Variants in TRIP12 observed in about 807,000 individuals in gnomAD.
TRIP12 encodes the protein E3 ubiquitin-protein ligase TRIP12.
A neutral mutation model predicts 244.2 loss-of-function variants in TRIP12; 25 were observed. That is an observed-to-expected ratio of 0.10 (90% CI 0.07 to 0.14). TRIP12 has a LOEUF of 0.14. TRIP12 is among the 10% of genes least tolerant of loss of function. The probability of loss-of-function intolerance (pLI) is 1.00; values close to 1 mark genes in which losing one functional copy is unlikely to be tolerated. For synonymous variants in TRIP12, 905 were observed against 873.1 expected (o/e 1.04, Z -0.64); for missense variants, 1,677 against 2,486.4 (o/e 0.67, Z 6.92).
intron 17 of TRIP12, among the ~76,000 whole-genome samples, chr2:229,806,999 ATAT>A (rs2046046899): frequency 6.6e-6 from 1 of 152,244 alleles, no homozygotes; most frequent in South Asian, 2.1e-4. Flanking sequence ...GCTAGAGCAA[ATAT>A]TATGCTCATT....
chr2:229,848,593 G>A (rs2058055228), intron 4 of TRIP12, among the ~76,000 whole-genome samples: 1 of 152,056 alleles, frequency 6.6e-6, no homozygotes, highest in African/African-American at 2.4e-5. Flanking sequence ...CATTTAAGAG[G>A]ACAAGCACTC....
At chr2:229,875,742 T>C (rs144392129) in intron 2 of TRIP12, among the ~76,000 whole-genome samples, 11 of 152,350 alleles carry the variant, frequency 7.2e-5, no homozygotes, top group East Asian at 1.9e-4. Context: ...TTATCATTAG[T>C]TGAATCACTG....
At chr2:229,921,194 C>T (rs960058172) in intron 1 of TRIP12, 2 of 152,376 alleles carry the variant, frequency 1.3e-5, no homozygotes, top group Non-Finnish European at 2.9e-5. Context: ...TAAAAAACTG[C>T]CCCGCGCAGA....
At chr2:229,815,781 T>G (rs1333367182) in intron 9 of TRIP12, among the ~76,000 whole-genome samples, 1 of 152,174 alleles carries the variant, frequency 6.6e-6, no homozygotes. Context: ...ATAAGCACCA[T>G]TTGACTCAGC....
At position 229,795,281 on chromosome 2, in the gene TRIP12, G is replaced by T. The variant is rs761517416; in HGVS notation, c.3866C>A (p.Pro1289His). Residue 1289 changes from proline to histidine, a missense_variant, in exon 26 of 42, where the codon CCT becomes CAT. Transcript: ENST00000675903. ...IGRVEPVGNA[P>H]LLALVHKMNN... ...CATCTTGTGAACTAATGCCAACAAA[G>T]GTGCATTACCCACTGGTTCCACTCT... 3 of 1,613,990 alleles carry T rather than the reference G, an allele frequency of 1.9e-6. No individual in the cohort carries two copies. Among genetic ancestry groups the T allele is most frequent in the Non-Finnish European group, 2.5e-6 (3 of 1,179,956 alleles).
At chr2:229,898,098 G>A (rs2069412905) in intron 1 of TRIP12, among the ~76,000 whole-genome samples, 1 of 152,208 alleles carries the variant, frequency 6.6e-6, no homozygotes, top group Non-Finnish European at 1.5e-5. Context: ...AGACAGTAGA[G>A]ACAATAGGTG....
chr2:229,832,038 C>A (rs920351324), intron 6 of TRIP12, among the ~76,000 whole-genome samples: 16 of 151,838 alleles, frequency 1.1e-4, no homozygotes, highest in African/African-American at 2.9e-4. Context: ...ATAACATATG[C>A]GAGTTTAAAG....
chr2:229,888,535 A>G (rs969633003), intron 1 of TRIP12, among the ~76,000 whole-genome samples: 1 of 152,214 alleles, frequency 6.6e-6, no homozygotes, highest in African/African-American at 2.4e-5. Context: ...GTTGGCAGAC[A>G]CCAAGAGGAA....
At chr2:229,854,812 T>A (rs867021721) in intron 4 of TRIP12, among the ~76,000 whole-genome samples, 1 of 152,208 alleles carries the variant, frequency 6.6e-6, no homozygotes, top group African/African-American at 2.4e-5. Flanking sequence ...GCTTGCCCTA[T>A]CTGTTCACCC....
intron 26 of TRIP12, 184 bp from the exon 27 acceptor site, chr2:229,793,329 G>GT (rs1367014700): frequency 5.8e-6 from 3 of 518,970 alleles, no homozygotes; most frequent in Non-Finnish European, 9.6e-6. Flanking sequence ...ATTTTTATAC[G>GT]TAAGAAATAA....
At chr2:229,808,507 A>G (rs2154276360) in intron 15 of TRIP12, 138 bp from the exon 16 acceptor site, 1 of 627,832 alleles carries the variant, frequency 1.6e-6, no homozygotes, top group East Asian at 2.9e-5. Flanking sequence ...ATTAATGTAA[A>G]AAATGCAAAA....
intron 9 of TRIP12, among the ~76,000 whole-genome samples, chr2:229,817,737 G>C (rs2048859573): frequency 6.6e-6 from 1 of 152,052 alleles, no homozygotes; most frequent in South Asian, 2.1e-4. Context: ...GAGATCTACA[G>C]GCACCTGCAA....
chr2:229,877,761 C>T (rs993877948), intron 2 of TRIP12, among the ~76,000 whole-genome samples: 11 of 152,148 alleles, frequency 7.2e-5, no homozygotes, highest in African/African-American at 2.2e-4. Context: ...TACATCTACA[C>T]GCAGTTTTTT....
At chr2:229,833,718 T>C (rs953012073) in intron 6 of TRIP12, among the ~76,000 whole-genome samples, 5 of 152,214 alleles carry the variant, frequency 3.3e-5, no homozygotes, top group African/African-American at 1.2e-4. Context: ...TAGTTTAGGT[T>C]ATCTAAAGTG....
Position 229,807,790 on chromosome 2 carries a change from T to C in TRIP12, c.2414A>G (p.Asn805Ser). The change falls in exon 17 of 42, where the codon AAC (asparagine) becomes AGC (serine). Residue 805 changes from asparagine (N) to serine (S), a missense_variant. Asn to Ser is a conservative substitution (Grantham distance 46). Coordinates refer to ENST00000675903, the MANE Select transcript of TRIP12 (RefSeq NM_001348323.3). ...DTMLKKGNAQNTDGAIWQWRD... is the reference protein window; with the variant it reads ...DTMLKKGNAQSTDGAIWQWRD... The stretch of plus-strand genomic sequence containing the variant: ...CCACTGCCATATCGCACCATCTGTG[T>C]TCTGTGCATTTCCCTTCTTCAACAT... The C allele has an allele frequency of 3.1e-6, 5 of 1,614,174 alleles. 1 individual carries two copies. Among genetic ancestry groups the C allele is most frequent in the Non-Finnish European group, 4.2e-6 (5 of 1,180,036 alleles).
At chr2:229,785,889 C>T (rs772749140) in intron 33 of TRIP12, 34 bp from the exon 34 acceptor site, 2 of 1,572,884 alleles carry the variant, frequency 1.3e-6, no homozygotes, top group Non-Finnish European at 8.6e-7. Context: ...GGAAACTATG[C>T]TCTACCCATA....
intron 1 of TRIP12, among the ~76,000 whole-genome samples, chr2:229,918,691 T>C (rs1034565136): frequency 3.3e-5 from 5 of 152,224 alleles, no homozygotes; most frequent in African/African-American, 1.2e-4. Flanking sequence ...CAAATTCTAC[T>C]ACCAATTAAG....
chr2:229,795,162 C>A lies in TRIP12; in HGVS notation c.3968+17G>T. The A allele has an allele frequency of 6.2e-7, 1 of 1,610,202 alleles. No individual in the cohort carries two copies. The highest frequency in any genetic ancestry group is 8.5e-7 in the Non-Finnish European group (1 of 1,178,134). ...CAAATTCCAGTGGCAAGGGTATAGC[C>A]AGGCAATGGTCCTTACCTGCCTCCT... On this transcript the variant is annotated intron_variant, in intron 26 of 41. Transcript: ENST00000675903.
intron 4 of TRIP12, among the ~76,000 whole-genome samples, chr2:229,856,495 GA>G (rs1487287927): frequency 4.6e-5 from 7 of 152,162 alleles, no homozygotes; most frequent in African/African-American, 1.7e-4. Flanking sequence ...ATAAAGAAAA[GA>G]AAGCTGATCT....
Sources: allele counts gnomAD v4.1 joint callset (sites outside exome capture counted in the v4.1 genomes callset), GRCh38; gene constraint gnomAD v4.1.1; transcripts MANE v1.5; gene names NCBI Gene and HGNC (gene_info 2026-07-23, HGNC 2026-07-21).